BAHD1: variants seen among roughly 807,000 people sequenced by gnomAD.
The protein encoded by BAHD1 is bromo adjacent homology domain-containing 1 protein.
Under a neutral mutation model 63.1 loss-of-function variants are expected in BAHD1, and 20 were observed. The observed-to-expected ratio is 0.32, with a 90% CI of 0.22 to 0.46. The LOEUF (loss-of-function observed/expected upper bound fraction) is 0.46. Among genes scored for constraint, BAHD1 ranks in the 20% least tolerant of loss-of-function variants. The pLI is 1.00. For missense variants in BAHD1, 939 were observed against 1,071.8 expected, an observed-to-expected ratio of 0.88 and a Z score of 1.73; for synonymous variants, 408 against 426.8, an observed-to-expected ratio of 0.96 and a Z score of 0.54.
Position 40,458,925 on chromosome 15 carries a change from G to T in BAHD1, c.461G>T (p.Ser154Ile), listed in dbSNP as rs1383922357. The T allele has an allele frequency of 6.3e-7, 1 of 1,596,634 alleles. No homozygotes were observed. Among genetic ancestry groups the T allele is most frequent in the Non-Finnish European group, 8.5e-7 (1 of 1,170,468 alleles). The change falls in exon 2 of 7, where the codon AGC becomes ATC. Residue 154 changes from serine to isoleucine, a missense_variant. By Grantham distance (142) the Ser-to-Ile change is moderately radical (BLOSUM62 -2). Transcript: ENST00000416165. This position sits in a 1 kb window ranked among gnomAD's most constrained non-coding sequence, Gnocchi z 4.7. ...AGTCGAGCAGGGGATCCCCACCGCA[G>T]CCGTGACCGTGATCGTGCTACTGGG... ...RRSRAGDPHR[S>I]RDRDRATGGW...
chr15:40,440,950 G>A (rs1370630566), upstream of BAHD1, among the ~76,000 whole-genome samples: 3 of 151,850 alleles, frequency 2.0e-5, no homozygotes, highest in Non-Finnish European at 4.4e-5. Flanking sequence ...CTCCGCTCTC[G>A]GGGAGTTTGT....
chr15:40,458,303 A>AG lies in BAHD1; in HGVS notation c.-14-145dup, dbSNP rs1463418456. On this transcript the variant is annotated intron_variant, in intron 1 of 6. Coordinates refer to ENST00000416165, the MANE Select transcript of BAHD1 (RefSeq NM_014952.5). The surrounding 1 kb of genome is among the most constrained non-coding windows in gnomAD (Gnocchi z 4.7). ...TCCACTGCCCCTTCACACTCTGGAA[A>AG]GGGAGTCCCAGGAAAATCCATACTG... 3.9e-6 allele frequency: 4 copies of AG among 1,029,980 alleles called. No homozygotes were observed. The highest frequency in any genetic ancestry group is 5.5e-6 in the Non-Finnish European group (4 of 733,512). The allele number at this position is 1,029,980 out of a possible 1,614,324, so 63.8% of individuals were successfully genotyped here.
At chr15:40,462,985 TAAA>T (rs1894095903) in intron 3 of BAHD1, among the ~76,000 whole-genome samples, 1 of 150,004 alleles carries the variant, frequency 6.7e-6, no homozygotes, top group South Asian at 2.1e-4. Context: ...ATTAATTAAT[TAAA>T]AACAAAAAGA....
intron 5 of BAHD1, 67 bp downstream of exon 5, chr15:40,464,614 CGTG>C: frequency 7.2e-7 from 1 of 1,380,860 alleles, no homozygotes; most frequent in Admixed American, 1.9e-5. Context: ...GGCACTAAGA[CGTG>C]GTAGGGGGAG....
chr15:40,461,451 A>G (rs1894035786), intron 2 of BAHD1, among the ~76,000 whole-genome samples: 1 of 152,158 alleles, frequency 6.6e-6, no homozygotes, highest in African/African-American at 2.4e-5. Context: ...CAGCCTGTCT[A>G]ACATGGTGAA....
At chr15:40,437,837 G>A (rs1216413130), upstream of BAHD1, among the ~76,000 whole-genome samples, 2 of 152,174 alleles carry the variant, frequency 1.3e-5, no homozygotes, top group Non-Finnish European at 2.9e-5. Flanking sequence ...GGAGATGACC[G>A]AGCAGCCAGT....
intron 1 of BAHD1, among the ~76,000 whole-genome samples, chr15:40,453,042 G>C (rs375544629): frequency 6.6e-6 from 1 of 152,338 alleles, no homozygotes; most frequent in East Asian, 1.9e-4. Context: ...CCGGGCTCCT[G>C]CTGTGGGGAA....
At chr15:40,464,680 G>A (rs919236194) in intron 5 of BAHD1, 133 bp downstream of exon 5, 3 of 705,934 alleles carry the variant, frequency 4.2e-6, no homozygotes, top group Non-Finnish European at 7.2e-6. Context: ...GGACTCCAGA[G>A]AACCTGGGAA....
At position 40,462,279 on chromosome 15, in the gene BAHD1, G is replaced by A. The variant is rs147456938; in HGVS notation, c.1800G>A (p.Lys600=). The change falls in exon 3 of 7, where the codon AAG becomes AAA. Residue 600 remains lysine (K), a synonymous_variant. Transcript: ENST00000416165. ...GWVPVGAACE[K]AVYVLDEPEP... Reference sequence around the variant, plus strand: ...TACCTGTTGGGGCTGCGTGTGAGAAGGCTGTGTATGTCTTGGTAAGTGCTA... The same window carrying A: ...TACCTGTTGGGGCTGCGTGTGAGAAAGCTGTGTATGTCTTGGTAAGTGCTA... The A allele has an allele frequency of 8.3e-5, 134 of 1,607,288 alleles. No individual in the cohort carries two copies. The African/African-American group carries it at 1.7e-3, about 20-fold the overall frequency.
chr15:40,462,033 C>T lies in BAHD1; in HGVS notation c.1554C>T (p.Val518=). 6.2e-7 allele frequency: 1 copy of T among 1,613,860 alleles called. No individual in the cohort carries two copies. The highest frequency in any genetic ancestry group is 1.7e-5 in the Admixed American group (1 of 60,010). Residue 518 remains valine, a synonymous_variant, in exon 3 of 7, where the codon GTC becomes GTT. Transcript: ENST00000416165. ...GTGTGCCACCTGCAGCAGAGCCCGTCCCCCATCTTCAGACACCCACCTCGG... is the reference window on the plus strand; with the variant it reads ...GTGTGCCACCTGCAGCAGAGCCCGTTCCCCATCTTCAGACACCCACCTCGG... ...VPSVPPAAEP[V]PHLQTPTSEP... is the part of the protein sequence containing the mutation.
At chr15:40,462,414 C>A in intron 3 of BAHD1, 120 bp downstream of exon 3, 1 of 1,360,328 alleles carries the variant, frequency 7.4e-7, no homozygotes, top group Non-Finnish European at 1.0e-6. Flanking sequence ...ACAAGGGACT[C>A]CAGTTTACTT....
chr15:40,448,698 G>A (rs143902990), intron 1 of BAHD1, among the ~76,000 whole-genome samples: 467 of 152,160 alleles, frequency 3.1e-3, no homozygotes, highest in African/African-American at 8.2e-3. Flanking sequence ...CACCATGCCC[G>A]ACTAATTTTT....
In BAHD1 at chr15:40,466,000, T is replaced by C; in HGVS notation, c.2213T>C (p.Val738Ala). The C allele has an allele frequency of 6.2e-7, 1 of 1,612,198 alleles. No homozygotes were observed. Among genetic ancestry groups the C allele is most frequent in the Non-Finnish European group, 8.5e-7 (1 of 1,179,222 alleles). ...CTCCCCAGCCGAAAGACAGCACTGG[T>C]TCCCCCCTCTGCAGACTATTCCACC... ...EGLPSRKTAL[V>A]PPSADYSTPP... The change falls in exon 7 of 7, where the codon GTT (valine) becomes GCT (alanine). Residue 738 changes from valine to alanine, a missense_variant. Val to Ala is a moderately conservative substitution (Grantham distance 64, BLOSUM62 0). Around this residue, in one of 5 missense-constraint regions of BAHD1, gnomAD observed 68 missense variants for 86.2 expected, o/e 0.79. Coordinates refer to ENST00000416165, the MANE Select transcript of BAHD1 (RefSeq NM_014952.5).
Position 40,462,254 on chromosome 15 carries a change from T to A in BAHD1, c.1775T>A (p.Val592Glu). Residue 592 changes from valine (V) to glutamate (E), a missense_variant, in exon 3 of 7, where the codon GTA becomes GAA. Val to Glu is a moderately radical substitution (Grantham distance 121). Transcript: ENST00000416165. ...RRRRRRTNGW[V>E]PVGAACEKAV... ...CGTCGCCGCCGCACTAATGGCTGGG[T>A]ACCTGTTGGGGCTGCGTGTGAGAAG... 1 of 1,611,040 alleles carries A rather than the reference T, an allele frequency of 6.2e-7. No individual in the cohort carries two copies. The highest frequency in any genetic ancestry group is 1.7e-5 in the Admixed American group (1 of 59,888).
intron 1 of BAHD1, among the ~76,000 whole-genome samples, chr15:40,452,868 C>T (rs1297698257): frequency 6.6e-6 from 1 of 152,194 alleles, no homozygotes; most frequent in African/African-American, 2.4e-5. Context: ...ACTGAACCCC[C>T]CACAACTCAC....
chr15:40,463,665 C>T (rs1295822426), intron 3 of BAHD1, among the ~76,000 whole-genome samples, 196 bp from the exon 4 acceptor site: 2 of 152,190 alleles, frequency 1.3e-5, no homozygotes, highest in African/African-American at 4.8e-5. Flanking sequence ...CTTTTCCACC[C>T]CTATTCCCTT....
At chr15:40,448,326 A>G (rs1169974173) in intron 1 of BAHD1, among the ~76,000 whole-genome samples, 1 of 152,198 alleles carries the variant, frequency 6.6e-6, no homozygotes, top group Non-Finnish European at 1.5e-5. Flanking sequence ...ATTGGAGTAC[A>G]TCTTCAGTTC....
rs745422765 is a variant in BAHD1 at position 40,458,673 on chromosome 15, G to A, written c.209G>A (p.Cys70Tyr). Residue 70 changes from cysteine to tyrosine, a missense_variant, in exon 2 of 7, where the codon TGC (cysteine) becomes TAC (tyrosine). Cys to Tyr is a radical substitution (Grantham distance 194). Transcript: ENST00000416165. The surrounding 1 kb of genome is among the most constrained non-coding windows in gnomAD (Gnocchi z 4.7). ...TTGGTTCCTGAGAAGCCCAAGGCCTGCAAAGTGCTGCTGACTCGCCTGGAG... is the reference window on the plus strand; with the variant it reads ...TTGGTTCCTGAGAAGCCCAAGGCCTACAAAGTGCTGCTGACTCGCCTGGAG... ...RPLVPEKPKACKVLLTRLENV... is the reference protein window; with the variant it reads ...RPLVPEKPKAYKVLLTRLENV... 4 of 1,613,872 alleles carry A rather than the reference G, an allele frequency of 2.5e-6. No individual in the cohort carries two copies. Among genetic ancestry groups the A allele is most frequent in the Non-Finnish European group, 3.4e-6 (4 of 1,179,962 alleles).
rs1894229182 is a variant in BAHD1 at position 40,466,958 on chromosome 15, C to T, written c.*828C>T. On this transcript the variant is annotated 3_prime_UTR_variant, in exon 7 of 7. Transcript: ENST00000416165. ...GCTACCTGATTTGTTGAAGATTTTTCCTCTTGCCTTACACATGGAGGTTCC... is the reference window on the plus strand; with the variant it reads ...GCTACCTGATTTGTTGAAGATTTTTTCTCTTGCCTTACACATGGAGGTTCC... 6.6e-6 allele frequency: 1 copy of T among 152,404 alleles called. No homozygotes were observed. Among genetic ancestry groups the T allele is most frequent in the African/African-American group, 2.4e-5 (1 of 41,442 alleles). The allele number at this position is 152,404 out of a possible 1,614,324, so 9.4% of individuals were successfully genotyped here.
Sources: allele counts gnomAD v4.1 joint callset (sites outside exome capture counted in the v4.1 genomes callset), GRCh38; gene constraint gnomAD v4.1.1; regional missense constraint gnomAD v4.1.1; non-coding constraint Gnocchi (gnomAD v3.1); transcripts MANE v1.5; gene names NCBI Gene and HGNC (gene_info 2026-07-23, HGNC 2026-07-21).